The following CREB3L3 variants were observed in gnomAD, a reference collection of about 807,000 sequenced individuals.
CREB3L3 encodes cyclic AMP-responsive element-binding protein 3-like protein 3.
In CREB3L3, 40 loss-of-function variants were observed where a neutral mutation model predicts 44.6. The observed-to-expected ratio is 0.90, with a 90% confidence interval of 0.70 to 1.17. The LOEUF is 1.17. Ranked by LOEUF, CREB3L3 falls within the 50% of genes most tolerant of loss-of-function variation. The pLI is 0.00. For synonymous variants in CREB3L3, 273 were observed against 256.3 expected (o/e 1.06, Z -0.62); for missense variants, 578 against 595.8 (o/e 0.97, Z 0.31).
intron 5 of CREB3L3, among the ~76,000 whole-genome samples, chr19:4,166,766 A>G (rs911723310): frequency 2.0e-5 from 3 of 151,808 alleles, no homozygotes; most frequent in African/African-American, 7.3e-5. Flanking sequence ...GCTGGAGTGC[A>G]GTGGTACAAT....
rs1183177038 is a variant in CREB3L3 at position 4,157,119 on chromosome 19, C to T, written c.281C>T (p.Pro94Leu). 1.2e-5 allele frequency: 20 copies of T among 1,614,062 alleles called. No individual in the cohort carries two copies. The highest frequency in any genetic ancestry group is 1.7e-5 in the Non-Finnish European group (20 of 1,179,996). The change falls in exon 3 of 10, where the codon CCC becomes CTC. Residue 94 changes from proline to leucine, a missense_variant. Coordinates refer to ENST00000078445, the MANE Select transcript of CREB3L3 (RefSeq NM_032607.3). ...GATAGTGGCATCTCCGAAGACCTCC[C>T]CTCCGACCCCCAGGACACCCCTCCA... is the stretch of plus-strand genomic sequence containing the variant. Reference protein sequence around the residue: ...GSDSGISEDLPSDPQDTPPRS... With the variant: ...GSDSGISEDLLSDPQDTPPRS...
chr19:4,155,051 C>T, intron 2 of CREB3L3, 24 bp downstream of exon 2: 1 of 1,601,778 alleles, frequency 6.2e-7, no homozygotes, highest in Non-Finnish European at 8.5e-7. Flanking sequence ...TGCAGTTGCC[C>T]CGGGACCACA....
chr19:4,155,284 T>G (rs906288472), intron 2 of CREB3L3, among the ~76,000 whole-genome samples: 1 of 151,930 alleles, frequency 6.6e-6, no homozygotes, highest in African/African-American at 2.4e-5. Context: ...GGAGTTAGGT[T>G]CAAACTCAAA....
chr19:4,155,577 T>C (rs1233061402), intron 2 of CREB3L3, among the ~76,000 whole-genome samples: 1 of 151,766 alleles, frequency 6.6e-6, no homozygotes. Context: ...AGGCTGGTCT[T>C]GAACTCCTGA....
At position 4,171,645 on chromosome 19, in the gene CREB3L3, T is replaced by C. The variant is rs1967050407; in HGVS notation, c.1073-11T>C. The C allele has an allele frequency of 1.2e-6, 2 of 1,613,032 alleles. No individual in the cohort carries two copies. Among genetic ancestry groups the C allele is most frequent in the Non-Finnish European group, 1.7e-6 (2 of 1,179,876 alleles). ...ACCTTGTCCCCTGTGATGCCCCCCT[T>C]CCCCAATCAGTGTTCTCCAGAACTT... On this transcript the variant is annotated splice_polypyrimidine_tract_variant and intron_variant, in intron 9 of 9. Coordinates refer to ENST00000078445, the MANE Select transcript of CREB3L3 (RefSeq NM_032607.3). This position sits in a 1 kb window ranked among gnomAD's most constrained non-coding sequence, Gnocchi z 4.9.
rs370527405 is a variant in CREB3L3 at position 4,172,708 on chromosome 19, GAC to G, written c.*743_*744del. ...TGAAACAGACCCAGACAGACAGACA[GAC>G]ACAGCCTGAAACAGACCCAGACAGA... On this transcript the variant is annotated 3_prime_UTR_variant, in exon 10 of 10. Coordinates refer to ENST00000078445, the MANE Select transcript of CREB3L3 (RefSeq NM_032607.3). The G allele has an allele frequency of 6.8e-3, 1,604 of 236,968 alleles. 24 individuals are homozygous for G. The highest frequency in any genetic ancestry group is 0.034 in the African/African-American group (1,453 of 42,328). 14.7% of individuals were successfully genotyped at this position (236,968 alleles called of 1,614,324 possible). A position where few individuals can be genotyped will look rare whatever the true frequency, so the allele number is the denominator to read the frequency against.
At position 4,160,302 on chromosome 19, in the gene CREB3L3, C is replaced by T. The variant is rs1210414229; in HGVS notation, c.576+520C>T. ...CAGACCAGGACTGTCTCAACAATAA[C>T]AACAACAAAAAGAACAAAGCTAAAA... On this transcript the variant is annotated intron_variant, in intron 4 of 9. Coordinates refer to ENST00000078445, the MANE Select transcript of CREB3L3 (RefSeq NM_032607.3). Among the ~76,000 whole-genome samples, 4 of 151,926 alleles carry T rather than the reference C, an allele frequency of 2.6e-5. No individual in the cohort carries two copies. In the East Asian group the frequency reaches 5.8e-4, roughly 22 times the overall value.
chr19:4,167,920 G>A (rs1048516722), intron 5 of CREB3L3, among the ~76,000 whole-genome samples: 3 of 151,770 alleles, frequency 2.0e-5, no homozygotes, highest in Admixed American at 6.6e-5. Context: ...CAGGACAGTG[G>A]GGACTGTCGC....
intron 5 of CREB3L3, among the ~76,000 whole-genome samples, chr19:4,165,313 G>T (rs1041537475): frequency 6.6e-6 from 1 of 150,924 alleles, no homozygotes; most frequent in Non-Finnish European, 1.5e-5. Context: ...GATGACAGGT[G>T]CACGCCACTA....
At chr19:4,158,942 C>T (rs1413725724) in intron 3 of CREB3L3, among the ~76,000 whole-genome samples, 4 of 152,122 alleles carry the variant, frequency 2.6e-5, no homozygotes, top group Non-Finnish European at 5.9e-5. Flanking sequence ...TACTGCATGC[C>T]GGCTACCAGG....
At chr19:4,170,238 C>A in intron 7 of CREB3L3, 30 bp downstream of exon 7, 1 of 1,606,746 alleles carries the variant, frequency 6.2e-7, no homozygotes, top group Non-Finnish European at 8.5e-7. Context: ...GGGCAGAGGA[C>A]AGGGGAAGCA....
At chr19:4,167,688 GTA>G (rs1966947564) in intron 5 of CREB3L3, among the ~76,000 whole-genome samples, 1 of 152,110 alleles carries the variant, frequency 6.6e-6, no homozygotes, top group African/African-American at 2.4e-5. Context: ...TGGTGGAGTG[GTA>G]CCCATGCCCA....
intron 2 of CREB3L3, 45 bp from the exon 3 acceptor site, chr19:4,156,950 A>T (rs1178140768): frequency 1.2e-6 from 2 of 1,602,394 alleles, no homozygotes; most frequent in Admixed American, 3.3e-5. Flanking sequence ...ATCTAAAAAG[A>T]GTGAGCACTT....
chr19:4,166,508 C>T (rs1325463232), intron 5 of CREB3L3, among the ~76,000 whole-genome samples: 1 of 149,962 alleles, frequency 6.7e-6, no homozygotes, highest in Admixed American at 6.7e-5. Flanking sequence ...TTGTGATCTG[C>T]CCAGCTCAGC....
intron 6 of CREB3L3, 59 bp from the exon 7 acceptor site, chr19:4,170,081 C>T: frequency 1.3e-6 from 2 of 1,534,144 alleles, no homozygotes; most frequent in Non-Finnish European, 1.8e-6. Flanking sequence ...GGGGAGATGT[C>T]AGTGGGGCCA....
intron 6 of CREB3L3, among the ~76,000 whole-genome samples, chr19:4,169,242 A>T (rs1966989622): frequency 6.6e-6 from 1 of 151,870 alleles, no homozygotes; most frequent in Non-Finnish European, 1.5e-5. Context: ...TTGTAATCCC[A>T]GCACTTTGGG....
intron 5 of CREB3L3, among the ~76,000 whole-genome samples, chr19:4,164,928 C>G (rs984081059): frequency 6.6e-6 from 1 of 151,986 alleles, no homozygotes; most frequent in Non-Finnish European, 1.5e-5. Flanking sequence ...AGGCTGGTCT[C>G]GAGCTCCTGA....
intron 5 of CREB3L3, among the ~76,000 whole-genome samples, chr19:4,166,855 AC>A (rs1197505375): frequency 1.1e-4 from 17 of 152,124 alleles, no homozygotes; most frequent in African/African-American, 3.9e-4. Context: ...AGTAGCTGGG[AC>A]TATAGGCATG....
rs111234513 is a variant in CREB3L3 at position 4,156,852 on chromosome 19, G to A, written c.157-143G>A. 7.5e-4 allele frequency: 618 copies of A among 819,862 alleles called. 1 individual carries two copies. Among genetic ancestry groups the A allele is most frequent in the Non-Finnish European group, 1.0e-3 (537 of 523,658 alleles). 50.8% of individuals were successfully genotyped at this position (819,862 alleles called of 1,614,324 possible). A position where few individuals can be genotyped will look rare whatever the true frequency, so the allele number is the denominator to read the frequency against. ...ACTGCGTTTGAGCCTCAGCAGCCCC[G>A]GGAGGAAGAAGCAGTAACTCATCTT... On this transcript the variant is annotated intron_variant, in intron 2 of 9. Transcript: ENST00000078445.
Sources: allele counts gnomAD v4.1 joint callset (sites outside exome capture counted in the v4.1 genomes callset), GRCh38; gene constraint gnomAD v4.1.1; non-coding constraint Gnocchi (gnomAD v3.1); transcripts MANE v1.5; gene names NCBI Gene and HGNC (gene_info 2026-07-23, HGNC 2026-07-21).